ACVR1B: variants seen among roughly 807,000 people sequenced by gnomAD.
The protein encoded by ACVR1B is activin receptor type-1B.
In ACVR1B, 15 loss-of-function variants were observed where a neutral mutation model predicts 55.6. The observed-to-expected ratio is 0.27, with a 90% CI of 0.18 to 0.42. The LOEUF (loss-of-function observed/expected upper bound fraction) is 0.42, where lower values mean the gene tolerates loss of function less well. Among genes scored for constraint, ACVR1B ranks in the 10% least tolerant of loss-of-function variants. The pLI, the probability that ACVR1B is intolerant of heterozygous loss-of-function variation, is 1.00. For synonymous variants in ACVR1B, 247 were observed against 254.6 expected (o/e 0.97, Z 0.28); for missense variants, 359 against 670.1 (o/e 0.54, Z 5.13).
At chr12:51,983,141 G>A (rs1202096166) in intron 4 of ACVR1B, among the ~76,000 whole-genome samples, 1 of 152,172 alleles carries the variant, frequency 6.6e-6, no homozygotes, top group Non-Finnish European at 1.5e-5. Flanking sequence ...ATATAGTATG[G>A]TGCCCTGGAA....
At chr12:51,956,642 T>A (rs2120429453) in intron 1 of ACVR1B, among the ~76,000 whole-genome samples, 1 of 152,210 alleles carries the variant, frequency 6.6e-6, no homozygotes, top group Middle Eastern at 3.4e-3. Flanking sequence ...AAAGTTGAAT[T>A]GTAGAACTGA....
At chr12:51,978,829 C>CAAAAA (rs34088542) in intron 3 of ACVR1B, among the ~76,000 whole-genome samples, 4 of 48,280 alleles carry the variant, frequency 8.3e-5, no homozygotes, top group African/African-American at 1.3e-4. Context: ...GACTCCGTCT[C>CAAAAA]AAAAAAAAAA....
rs2120379326 is a variant in ACVR1B at position 51,951,729 on chromosome 12, GC to G, written c.-14del. 1.6e-6 allele frequency: 2 copies of G among 1,226,876 alleles called. No individual in the cohort carries two copies. Among genetic ancestry groups the G allele is most frequent in the Non-Finnish European group, 1.0e-6 (1 of 973,194 alleles). 76.0% of individuals were successfully genotyped at this position (1,226,876 alleles called of 1,614,324 possible). ...CTGCTGGGCTGCGGCGGCGGCGGCG[GC>G]GGCGGTGGTTACTATGGCGGAGTCG... On this transcript the variant is annotated 5_prime_UTR_variant, in exon 1 of 9. Coordinates refer to ENST00000257963, the MANE Select transcript of ACVR1B (RefSeq NM_004302.5).
intron 1 of ACVR1B, among the ~76,000 whole-genome samples, chr12:51,964,386 A>G (rs1451947731): frequency 2.0e-5 from 3 of 152,212 alleles, no homozygotes; most frequent in Admixed American, 1.3e-4. Flanking sequence ...TTTCAGATGT[A>G]TGATTTGCGT....
At chr12:51,975,129 A>G (rs1941823734) in intron 1 of ACVR1B, 136 bp from the exon 2 acceptor site, 1 of 1,232,950 alleles carries the variant, frequency 8.1e-7, no homozygotes, top group East Asian at 2.4e-5. Flanking sequence ...TCAGTTAAGG[A>G]TATCTTTTTG....
At chr12:51,967,473 C>T (rs1278972225) in intron 1 of ACVR1B, among the ~76,000 whole-genome samples, 1 of 149,972 alleles carries the variant, frequency 6.7e-6, no homozygotes, top group African/African-American at 2.5e-5. Flanking sequence ...GCAGGAGAAT[C>T]GCTTGAACCC....
chr12:51,971,077 G>A (rs997859955), intron 1 of ACVR1B, among the ~76,000 whole-genome samples: 2 of 152,066 alleles, frequency 1.3e-5, no homozygotes, highest in African/African-American at 2.4e-5. Flanking sequence ...TGTGTGTGGC[G>A]GTTTTTGAGA....
chr12:51,972,731 T>C (rs917279415), intron 1 of ACVR1B, among the ~76,000 whole-genome samples: 6 of 152,232 alleles, frequency 3.9e-5, no homozygotes. Flanking sequence ...TCTGACCTTT[T>C]CAGGGGTATG....
intron 1 of ACVR1B, among the ~76,000 whole-genome samples, chr12:51,952,741 TC>T (rs1210049538): frequency 6.6e-6 from 1 of 152,108 alleles, no homozygotes; most frequent in East Asian, 1.9e-4. Context: ...TATTTAAAGA[TC>T]CCACCACTGG....
chr12:51,967,112 C>T (rs1314913103), intron 1 of ACVR1B, among the ~76,000 whole-genome samples: 2 of 151,610 alleles, frequency 1.3e-5, no homozygotes, highest in East Asian at 3.9e-4. Context: ...TGGTGGCAGG[C>T]GCCTGTAGTC....
chr12:51,992,108 A>G, intron 8 of ACVR1B, 115 bp downstream of exon 8: 1 of 1,361,056 alleles, frequency 7.3e-7, no homozygotes, highest in Admixed American at 2.0e-5. Flanking sequence ...GTCAGTTATT[A>G]TTTACTATTA....
Position 51,975,426 on chromosome 12 carries a change from C to T in ACVR1B, c.253C>T (p.Leu85=), listed in dbSNP as rs766863860. 7.4e-6 allele frequency: 12 copies of T among 1,614,208 alleles called. No individual in the cohort carries two copies. Among genetic ancestry groups the T allele is most frequent in the Non-Finnish European group, 1.0e-5 (12 of 1,180,046 alleles). Residue 85 remains leucine, a synonymous_variant, in exon 2 of 9, where the codon CTG becomes TTG. Transcript: ENST00000257963. ...LVPAGKPFYC[L]SSEDLRNTHC... is the part of the protein sequence containing the mutation. ...CCCTGCCGGGAAGCCCTTCTACTGCCTGAGCTCGGAGGACCTGCGCAACAC... is the reference window on the plus strand; with the variant it reads ...CCCTGCCGGGAAGCCCTTCTACTGCTTGAGCTCGGAGGACCTGCGCAACAC...
intron 1 of ACVR1B, among the ~76,000 whole-genome samples, chr12:51,955,905 A>G (rs376705897): frequency 1.3e-5 from 2 of 152,220 alleles, no homozygotes; most frequent in African/African-American, 4.8e-5. Context: ...GCACTGCCTC[A>G]TGGCCAGGTT....
intron 1 of ACVR1B, among the ~76,000 whole-genome samples, chr12:51,954,486 A>G (rs925574197): frequency 3.3e-5 from 5 of 152,250 alleles, no homozygotes; most frequent in Non-Finnish European, 7.3e-5. Flanking sequence ...ATTTCAAGCC[A>G]AGCCTTGTAA....
Position 51,975,522 on chromosome 12 carries a change from T to C in ACVR1B, c.331+18T>C. The C allele has an allele frequency of 6.2e-7, 1 of 1,600,828 alleles. No individual in the cohort carries two copies. The highest frequency in any genetic ancestry group is 8.6e-7 in the Non-Finnish European group (1 of 1,168,858). On this transcript the variant is annotated intron_variant, in intron 2 of 8. Transcript: ENST00000257963. The stretch of plus-strand genomic sequence containing the variant: ...GCCCAGTGGTGAGTGCATGCCCTTG[T>C]TGGGCTAGTGGCTCAGCTTGGAGAT...
In ACVR1B at chr12:51,994,269, T is replaced by A. The variant is rs1030097522; in HGVS notation, c.*159T>A. 9.9e-7 allele frequency: 1 copy of A among 1,006,502 alleles called. No homozygotes were observed. Among genetic ancestry groups the A allele is most frequent in the Non-Finnish European group, 1.4e-6 (1 of 698,680 alleles). 62.3% of individuals were successfully genotyped at this position (1,006,502 alleles called of 1,614,324 possible). A position where few individuals can be genotyped will look rare whatever the true frequency, so the allele number is the denominator to read the frequency against. On this transcript the variant is annotated 3_prime_UTR_variant, in exon 9 of 9. Transcript: ENST00000257963. This position sits in a 1 kb window ranked among gnomAD's most constrained non-coding sequence, Gnocchi z 4.2. ...CAGAGCCCGGGAGAGACTCGCTCAC[T>A]CCCATGTTGGGTTTGAGACAGACAC...
intron 1 of ACVR1B, among the ~76,000 whole-genome samples, chr12:51,970,091 T>C (rs1941718509): frequency 6.6e-6 from 1 of 152,126 alleles, no homozygotes; most frequent in Non-Finnish European, 1.5e-5. Context: ...GGCTCTTTGG[T>C]CAGAAAACCA....
chr12:51,976,637 G>A (rs2120616964), intron 3 of ACVR1B, 62 bp downstream of exon 3: 1 of 1,596,172 alleles, frequency 6.3e-7, no homozygotes, highest in African/African-American at 1.3e-5. Context: ...CAGCAGGATA[G>A]AGTGCTTGTA....
chr12:51,957,460 A>G (rs1941436823), intron 1 of ACVR1B, among the ~76,000 whole-genome samples: 1 of 145,140 alleles, frequency 6.9e-6, no homozygotes, highest in African/African-American at 2.6e-5. Context: ...AAAAAAAAAA[A>G]GCCAAAAACA....
Sources: allele counts gnomAD v4.1 joint callset (sites outside exome capture counted in the v4.1 genomes callset), GRCh38; gene constraint gnomAD v4.1.1; non-coding constraint Gnocchi (gnomAD v3.1); transcripts MANE v1.5; gene names NCBI Gene and HGNC (gene_info 2026-07-23, HGNC 2026-07-21).